The following CAMK2N1 variants were observed in gnomAD, a reference collection of about 807,000 sequenced individuals.
The protein encoded by CAMK2N1 is calcium/calmodulin-dependent protein kinase II inhibitor 1.
A neutral mutation model predicts 6.4 loss-of-function variants in CAMK2N1; 2 were observed. The observed-to-expected ratio is 0.31, with a 90% CI of 0.13 to 0.98. The LOEUF (loss-of-function observed/expected upper bound fraction) is 0.98, where lower values mean the gene tolerates loss of function less well. CAMK2N1 is among the 50% of genes least tolerant of loss of function. CAMK2N1 has a pLI of 0.51. For missense variants in CAMK2N1, 77 were observed against 107.3 expected, an observed-to-expected ratio of 0.72 and a Z score of 1.25; for synonymous variants, 42 against 47.5, an observed-to-expected ratio of 0.88 and a Z score of 0.47.
In CAMK2N1 at chr1:20,483,734, G is replaced by A. The variant is rs202108462; in HGVS notation, c.167-15C>T. On this transcript the variant is annotated splice_polypyrimidine_tract_variant and intron_variant, in intron 1 of 1. Coordinates refer to ENST00000375078, the MANE Select transcript of CAMK2N1 (RefSeq NM_018584.6). ...TTCAATAACAACTGCAAAAAAAGGG[G>A]GGAAAAGAGAGGTGAGCGCGCTGGG... 1.2e-6 allele frequency: 2 copies of A among 1,613,468 alleles called. No homozygotes were observed. Among genetic ancestry groups the A allele is most frequent in the Non-Finnish European group, 1.7e-6 (2 of 1,179,464 alleles).
Position 20,485,233 on chromosome 1 carries a change from C to A in CAMK2N1, c.147G>T (p.Gln49His). The A allele has an allele frequency of 6.3e-7, 1 of 1,597,498 alleles. No individual in the cohort carries two copies. Among genetic ancestry groups the A allele is most frequent in the Non-Finnish European group, 8.5e-7 (1 of 1,174,908 alleles). Residue 49 changes from glutamine (Q) to histidine (H), a missense_variant, in exon 1 of 2, where the codon CAG (glutamine) becomes CAT (histidine). Transcript: ENST00000375078. This position sits in a 1 kb window ranked among gnomAD's most constrained non-coding sequence, Gnocchi z 8.4. ...GQNKRPPKLG[Q>H]IGRSKRVVIE... ...ACTCACCCCGCTTGCTCCGGCCGAT[C>A]TGGCCCAGCTTGGGCGGCCGCTTGT... is the stretch of plus-strand genomic sequence containing the variant.
rs369322740 is a variant in CAMK2N1, at chr1:20,483,732, G to A, written c.167-13C>T. On this transcript the variant is annotated splice_polypyrimidine_tract_variant and intron_variant, in intron 1 of 1. Coordinates refer to ENST00000375078, the MANE Select transcript of CAMK2N1 (RefSeq NM_018584.6). Reference sequence around the variant, plus strand: ...TCTTCAATAACAACTGCAAAAAAAGGGGGGAAAAGAGAGGTGAGCGCGCTG... The same window carrying A: ...TCTTCAATAACAACTGCAAAAAAAGAGGGGAAAAGAGAGGTGAGCGCGCTG... 3.1e-6 allele frequency: 5 copies of A among 1,613,588 alleles called. No homozygotes were observed. In the African/African-American group the frequency reaches 5.3e-5, roughly 17 times the overall value.
chr1:20,485,432 G>A lies in CAMK2N1; in HGVS notation c.-53C>T. 1 of 1,220,228 alleles carries A rather than the reference G, an allele frequency of 8.2e-7. No individual in the cohort carries two copies. The highest frequency in any genetic ancestry group is 1.0e-6 in the Non-Finnish European group (1 of 973,888). 75.6% of individuals were successfully genotyped at this position (1,220,228 alleles called of 1,614,324 possible). A position where few individuals can be genotyped will look rare whatever the true frequency, so the allele number is the denominator to read the frequency against. On this transcript the variant is annotated 5_prime_UTR_variant, in exon 1 of 2. Transcript: ENST00000375078. This position sits in a 1 kb window ranked among gnomAD's most constrained non-coding sequence, Gnocchi z 8.4. Reference sequence around the variant, plus strand: ...GCCTCCTCCGCCCGCGTCCCCGCCCGCGGCGGACAGGGTCAGCGGCGCTGG... The same window carrying A: ...GCCTCCTCCGCCCGCGTCCCCGCCCACGGCGGACAGGGTCAGCGGCGCTGG...
In CAMK2N1 at chr1:20,485,961, G is replaced by C. The variant is rs2051510184; in HGVS notation, c.-582C>G. 6.6e-6 allele frequency: 1 copy of C among 151,514 alleles called. No individual in the cohort carries two copies. Among genetic ancestry groups the C allele is most frequent in the Admixed American group, 6.6e-5 (1 of 15,196 alleles). 9.4% of individuals were successfully genotyped at this position (151,514 alleles called of 1,614,324 possible). On this transcript the variant is annotated 5_prime_UTR_variant, in exon 1 of 2. Transcript: ENST00000375078. The surrounding 1 kb of genome is among the most constrained non-coding windows in gnomAD (Gnocchi z 8.4). ...AGAGGGAGACGGGGCTGAAAAACAG[G>C]GACTGAAAGACAGGGAGGCAGGGGA...
rs1464773806 is a variant in CAMK2N1 at position 20,483,565 on chromosome 1, A to G, written c.*84T>C. On this transcript the variant is annotated 3_prime_UTR_variant, in exon 2 of 2. Coordinates refer to ENST00000375078, the MANE Select transcript of CAMK2N1 (RefSeq NM_018584.6). ...GGTAGCAAGCTAGTAATAAATTTCA[A>G]AGTGCTTTCTCTTTTCATGCTTTTT... 1 of 1,233,202 alleles carries G rather than the reference A, an allele frequency of 8.1e-7. No individual in the cohort carries two copies. The highest frequency in any genetic ancestry group is 2.3e-5 in the East Asian group (1 of 42,946). The allele number at this position is 1,233,202 out of a possible 1,614,324, so 76.4% of individuals were successfully genotyped here. A position where few individuals can be genotyped will look rare whatever the true frequency, so the allele number is the denominator to read the frequency against.
intron 1 of CAMK2N1, 131 bp from the exon 2 acceptor site, chr1:20,483,850 G>C (rs2051488443): frequency 1.3e-6 from 1 of 760,862 alleles, no homozygotes. Context: ...ACTGCGCGGT[G>C]AAACAGCTCC....
rs1231476460 is a variant in CAMK2N1 at position 20,483,597 on chromosome 1, A to G, written c.*52T>C. On this transcript the variant is annotated 3_prime_UTR_variant, in exon 2 of 2. Transcript: ENST00000375078. The stretch of plus-strand genomic sequence containing the variant: ...TTCTCTTTTCATGCTTTTTGCCAAT[A>G]ACTGTTACCGCCGTTCTTATTCTCT... The G allele has an allele frequency of 1.3e-6, 2 of 1,487,824 alleles. No homozygotes were observed. Among genetic ancestry groups the G allele is most frequent in the African/African-American group, 2.8e-5 (2 of 72,118 alleles). The allele number at this position is 1,487,824 out of a possible 1,614,324, so 92.2% of individuals were successfully genotyped here.
In CAMK2N1 at chr1:20,482,816, G is replaced by A. The variant is rs1258614358; in HGVS notation, c.*833C>T. On this transcript the variant is annotated 3_prime_UTR_variant, in exon 2 of 2. Coordinates refer to ENST00000375078, the MANE Select transcript of CAMK2N1 (RefSeq NM_018584.6). ...GCTGCTCACACAACAGACTGCAAGG[G>A]GAAGTTAGAAAAAGCTCAAGCATTT... is the stretch of plus-strand genomic sequence containing the variant. 2 of 151,852 alleles carry A rather than the reference G, an allele frequency of 1.3e-5. No individual in the cohort carries two copies. The highest frequency in any genetic ancestry group is 2.9e-5 in the Non-Finnish European group (2 of 67,994). 9.4% of individuals were successfully genotyped at this position (151,852 alleles called of 1,614,324 possible).
In CAMK2N1 at chr1:20,484,605, C is replaced by G. The variant is rs2051495526; in HGVS notation, c.166+609G>C. ...CGGTCTCCCGCGTACCCCCTCCCCT[C>G]CATCCCTGCGTCTCAGTCTCTCTCT... is the stretch of plus-strand genomic sequence containing the variant. On this transcript the variant is annotated intron_variant, in intron 1 of 1. Coordinates refer to ENST00000375078, the MANE Select transcript of CAMK2N1 (RefSeq NM_018584.6). This position sits in a 1 kb window ranked among gnomAD's most constrained non-coding sequence, Gnocchi z 6.8. 1 of 152,386 alleles carries G rather than the reference C, an allele frequency of 6.6e-6. No homozygotes were observed. Among genetic ancestry groups the G allele is most frequent in the Non-Finnish European group, 1.5e-5 (1 of 68,238 alleles). 9.4% of individuals were successfully genotyped at this position (152,386 alleles called of 1,614,324 possible).
rs912090284 is a variant in CAMK2N1 at position 20,485,724 on chromosome 1, C to T, written c.-345G>A. 9.9e-5 allele frequency: 15 copies of T among 151,578 alleles called. No individual in the cohort carries two copies. In the South Asian group the frequency reaches 2.3e-3, roughly 24 times the overall value. 9.4% of individuals were successfully genotyped at this position (151,578 alleles called of 1,614,324 possible). A position where few individuals can be genotyped will look rare whatever the true frequency, so the allele number is the denominator to read the frequency against. ...CGCGAGCCGGGAGGGAGGAGACGTC[C>T]CTGCGAGCCCGGAGGGCGCGGGACC... On this transcript the variant is annotated 5_prime_UTR_variant, in exon 1 of 2. Coordinates refer to ENST00000375078, the MANE Select transcript of CAMK2N1 (RefSeq NM_018584.6). The surrounding 1 kb of genome is among the most constrained non-coding windows in gnomAD (Gnocchi z 8.4).
At position 20,485,476 on chromosome 1, in the gene CAMK2N1, G is replaced by A; in HGVS notation, c.-97C>T. On this transcript the variant is annotated 5_prime_UTR_variant, in exon 1 of 2. Coordinates refer to ENST00000375078, the MANE Select transcript of CAMK2N1 (RefSeq NM_018584.6). The surrounding 1 kb of genome is among the most constrained non-coding windows in gnomAD (Gnocchi z 8.4). Reference sequence around the variant, plus strand: ...GCGCTGGGGCCGGGGGCGGCCGGCCGGGGACGGCCCGCGGGCTGCTGCGGC... The same window carrying A: ...GCGCTGGGGCCGGGGGCGGCCGGCCAGGGACGGCCCGCGGGCTGCTGCGGC... 3 of 870,798 alleles carry A rather than the reference G, an allele frequency of 3.4e-6. No homozygotes were observed. In the South Asian group the frequency reaches 1.5e-4, roughly 44 times the overall value. 53.9% of individuals were successfully genotyped at this position (870,798 alleles called of 1,614,324 possible).
rs2051500356 is a variant in CAMK2N1, at chr1:20,485,161, C to T, written c.166+53G>A. The T allele has an allele frequency of 6.5e-7, 1 of 1,536,984 alleles. No individual in the cohort carries two copies. On this transcript the variant is annotated intron_variant, in intron 1 of 1. Transcript: ENST00000375078. This position sits in a 1 kb window ranked among gnomAD's most constrained non-coding sequence, Gnocchi z 8.4. ...GTGGGAGACCTCCGCAACCCTTGTTCAGGCCGCGGCGCGGGAAAAAGGGGG... is the reference window on the plus strand; with the variant it reads ...GTGGGAGACCTCCGCAACCCTTGTTTAGGCCGCGGCGCGGGAAAAAGGGGG...
Position 20,483,689 on chromosome 1 carries a change from A to G in CAMK2N1, c.197T>C (p.Val66Ala). 6.2e-7 allele frequency: 1 copy of G among 1,614,138 alleles called. No homozygotes were observed. The highest frequency in any genetic ancestry group is 8.5e-7 in the Non-Finnish European group (1 of 1,180,014). The change falls in exon 2 of 2, where the codon GTG becomes GCG. Residue 66 changes from valine to alanine, a missense_variant. Physicochemically the swap from Val to Ala is moderately conservative, Grantham distance 64. Transcript: ENST00000375078. ...VVIEDDRIDD[V>A]LKNMTDKAPP... ...TGCCTTGTCGGTCATATTTTTCAGC[A>G]CGTCATCAATCCTATCATCTTCAAT... is the stretch of plus-strand genomic sequence containing the variant.
Position 20,482,694 on chromosome 1 carries a change from C to A in CAMK2N1, c.*955G>T, listed in dbSNP as rs2051477468. The A allele has an allele frequency of 6.6e-6, 1 of 152,416 alleles. No individual in the cohort carries two copies. The highest frequency in any genetic ancestry group is 1.5e-5 in the Non-Finnish European group (1 of 68,032). 9.4% of individuals were successfully genotyped at this position (152,416 alleles called of 1,614,324 possible). ...AGCACAGAGAAAAGAAACTAAAATG[C>A]CTTTTGGCATTTCAAGATATTTGGC... On this transcript the variant is annotated 3_prime_UTR_variant, in exon 2 of 2. Coordinates refer to ENST00000375078, the MANE Select transcript of CAMK2N1 (RefSeq NM_018584.6).
Position 20,485,407 on chromosome 1 carries a change from G to C in CAMK2N1, c.-28C>G. On this transcript the variant is annotated 5_prime_UTR_variant, in exon 1 of 2. Coordinates refer to ENST00000375078, the MANE Select transcript of CAMK2N1 (RefSeq NM_018584.6). The surrounding 1 kb of genome is among the most constrained non-coding windows in gnomAD (Gnocchi z 8.4). ...TCGCGTCCGGGGGCTCCGCCGCGGC[G>C]CCTCCTCCGCCCGCGTCCCCGCCCG... 2 of 1,281,812 alleles carry C rather than the reference G, an allele frequency of 1.6e-6. No individual in the cohort carries two copies. The highest frequency in any genetic ancestry group is 4.6e-5 in the South Asian group (2 of 43,442). The allele number at this position is 1,281,812 out of a possible 1,614,324, so 79.4% of individuals were successfully genotyped here. A position where few individuals can be genotyped will look rare whatever the true frequency, so the allele number is the denominator to read the frequency against.
chr1:20,484,783 T>C lies in CAMK2N1; in HGVS notation c.166+431A>G, dbSNP rs2051497012. ...AAGCCAAGTAACAATGAAAAGCCCG[T>C]GCGACCCGAACACCCTAGCCTTCCC... On this transcript the variant is annotated intron_variant, in intron 1 of 1. Transcript: ENST00000375078. This position sits in a 1 kb window ranked among gnomAD's most constrained non-coding sequence, Gnocchi z 6.8. The C allele has an allele frequency of 6.3e-6, 1 of 159,630 alleles. No individual in the cohort carries two copies. Among genetic ancestry groups the C allele is most frequent in the Non-Finnish European group, 1.4e-5 (1 of 73,250 alleles). The allele number at this position is 159,630 out of a possible 1,614,324, so 9.9% of individuals were successfully genotyped here.
rs569489076 is a variant in CAMK2N1, at chr1:20,482,559, G to A, written c.*1090C>T. 2 of 152,690 alleles carry A rather than the reference G, an allele frequency of 1.3e-5. No homozygotes were observed. The highest frequency in any genetic ancestry group is 2.1e-4 in the South Asian group (1 of 4,830). 9.5% of individuals were successfully genotyped at this position (152,690 alleles called of 1,614,324 possible). On this transcript the variant is annotated 3_prime_UTR_variant, in exon 2 of 2. Transcript: ENST00000375078. Reference sequence around the variant, plus strand: ...AAAAAATGGTAAAAGATTTCCTCACGCAAGAGGCATTTTTGCAAATACCAT... The same window carrying A: ...AAAAAATGGTAAAAGATTTCCTCACACAAGAGGCATTTTTGCAAATACCAT...
chr1:20,485,437 G>A lies in CAMK2N1; in HGVS notation c.-58C>T, dbSNP rs1329615657. 1.7e-6 allele frequency: 2 copies of A among 1,207,046 alleles called. No individual in the cohort carries two copies. The allele number at this position is 1,207,046 out of a possible 1,614,324, so 74.8% of individuals were successfully genotyped here. A position where few individuals can be genotyped will look rare whatever the true frequency, so the allele number is the denominator to read the frequency against. Reference sequence around the variant, plus strand: ...CTCCGCCCGCGTCCCCGCCCGCGGCGGACAGGGTCAGCGGCGCTGGGGCCG... The same window carrying A: ...CTCCGCCCGCGTCCCCGCCCGCGGCAGACAGGGTCAGCGGCGCTGGGGCCG... On this transcript the variant is annotated 5_prime_UTR_variant, in exon 1 of 2. Coordinates refer to ENST00000375078, the MANE Select transcript of CAMK2N1 (RefSeq NM_018584.6). This position sits in a 1 kb window ranked among gnomAD's most constrained non-coding sequence, Gnocchi z 8.4.
Position 20,485,529 on chromosome 1 carries a change from G to A in CAMK2N1, c.-150C>T. ...TGGCGCCGGCGAGAGGCCGGGGGAC[G>A]CCGCTAGGGCAAGAGCGCGGCACTC... On this transcript the variant is annotated 5_prime_UTR_variant, in exon 1 of 2. Coordinates refer to ENST00000375078, the MANE Select transcript of CAMK2N1 (RefSeq NM_018584.6). This position sits in a 1 kb window ranked among gnomAD's most constrained non-coding sequence, Gnocchi z 8.4. 1 of 388,248 alleles carries A rather than the reference G, an allele frequency of 2.6e-6. No individual in the cohort carries two copies. The highest frequency in any genetic ancestry group is 3.5e-6 in the Non-Finnish European group (1 of 286,336). 24.1% of individuals were successfully genotyped at this position (388,248 alleles called of 1,614,324 possible).
Sources: allele counts gnomAD v4.1 joint callset, GRCh38; gene constraint gnomAD v4.1.1; non-coding constraint Gnocchi (gnomAD v3.1); transcripts MANE v1.5; gene names NCBI Gene and HGNC (gene_info 2026-07-23, HGNC 2026-07-21).